RGL1: variants seen among roughly 807,000 people sequenced by gnomAD.
The protein encoded by RGL1 is ral guanine nucleotide dissociation stimulator-like 1.
A neutral mutation model predicts 95.2 loss-of-function variants in RGL1; 24 were observed. The ratio of observed to expected loss-of-function variants is 0.25; its 90% CI spans 0.18 to 0.35. The LOEUF (loss-of-function observed/expected upper bound fraction) is 0.35. Ranked by LOEUF, RGL1 falls within the 10% of genes least tolerant of loss-of-function variation. The probability of loss-of-function intolerance (pLI) is 1.00; values close to 1 mark genes in which losing one functional copy is unlikely to be tolerated. For synonymous variants in RGL1, 329 were observed against 344.9 expected (o/e 0.95, Z 0.51); for missense variants, 715 against 936.3 (o/e 0.76, Z 3.08).
chr1:183,712,799 T>C (rs1015952581), intron 1 of RGL1, among the ~76,000 whole-genome samples: 1 of 152,206 alleles, frequency 6.6e-6, no homozygotes, highest in Non-Finnish European at 1.5e-5. Context: ...AAATCAAGTT[T>C]TCTGGTCTAA....
intron 1 of RGL1, among the ~76,000 whole-genome samples, chr1:183,718,248 AAG>A (rs1160582825): frequency 6.7e-6 from 1 of 150,052 alleles, no homozygotes; most frequent in Admixed American, 6.6e-5. Flanking sequence ...AAAAAAAAAA[AAG>A]AGAGAGAGAG....
intron 3 of RGL1, among the ~76,000 whole-genome samples, chr1:183,864,307 A>G (rs983572183): frequency 6.6e-6 from 1 of 152,226 alleles, no homozygotes; most frequent in African/African-American, 2.4e-5. Flanking sequence ...ATGGACTAAC[A>G]TGGAATGTAA....
chr1:183,760,797 G>A (rs1360689078), intron 2 of RGL1, among the ~76,000 whole-genome samples: 1 of 152,112 alleles, frequency 6.6e-6, no homozygotes, highest in East Asian at 1.9e-4. Flanking sequence ...AAACCCTGCT[G>A]CTACTTTATC....
At chr1:183,764,620 T>A (rs1271263127) in intron 2 of RGL1, among the ~76,000 whole-genome samples, 3 of 152,184 alleles carry the variant, frequency 2.0e-5, no homozygotes, top group Non-Finnish European at 2.9e-5. Context: ...CCAGTCCTGA[T>A]CTTTCTATTT....
intron 1 of RGL1, among the ~76,000 whole-genome samples, chr1:183,702,576 T>C (rs1052917234): frequency 2.0e-5 from 3 of 152,080 alleles, no homozygotes; most frequent in African/African-American, 4.8e-5. Flanking sequence ...ACCAGTAAGG[T>C]TGGGCTGAGG....
chr1:183,658,992 G>T (rs1651406268), intron 1 of RGL1, among the ~76,000 whole-genome samples: 1 of 151,940 alleles, frequency 6.6e-6, no homozygotes, highest in African/African-American at 2.4e-5. Flanking sequence ...CTGCAGCTGA[G>T]GGTCCTGTCT....
At chr1:183,902,452 A>T in intron 11 of RGL1, 116 bp from the exon 12 acceptor site, 1 of 716,710 alleles carries the variant, frequency 1.4e-6, no homozygotes, top group Non-Finnish European at 2.2e-6. Flanking sequence ...TTATAGGATC[A>T]TTGATAATTG....
chr1:183,672,551 G>T (rs1303897422), intron 1 of RGL1, among the ~76,000 whole-genome samples: 2 of 152,044 alleles, frequency 1.3e-5, no homozygotes, highest in East Asian at 3.8e-4. Flanking sequence ...AATTTCTCCG[G>T]ATCAGTCATC....
chr1:183,775,873 C>T (rs1388039277), intron 2 of RGL1, among the ~76,000 whole-genome samples: 1 of 152,126 alleles, frequency 6.6e-6, no homozygotes, highest in Non-Finnish European at 1.5e-5. Context: ...AAATTGTTAA[C>T]ATATGTTAAT....
chr1:183,923,998 C>T (rs972884516), intron 17 of RGL1, among the ~76,000 whole-genome samples: 5 of 152,132 alleles, frequency 3.3e-5, no homozygotes, highest in Non-Finnish European at 4.4e-5. Flanking sequence ...TTTTTTAATT[C>T]TGTTTGTTTT....
intron 11 of RGL1, among the ~76,000 whole-genome samples, chr1:183,901,675 C>G (rs1418207549): frequency 1.3e-5 from 2 of 151,578 alleles, no homozygotes; most frequent in African/African-American, 2.4e-5. Context: ...CTCTCTGTCC[C>G]CTTGTCCCTC....
intron 1 of RGL1, among the ~76,000 whole-genome samples, chr1:183,717,243 T>C (rs1655677974): frequency 1.3e-5 from 2 of 152,332 alleles, no homozygotes; most frequent in Admixed American, 6.5e-5. Context: ...TTCTCTACCT[T>C]TACAAATGAA....
At chr1:183,717,162 A>T (rs2102192936) in intron 1 of RGL1, among the ~76,000 whole-genome samples, 1 of 152,308 alleles carries the variant, frequency 6.6e-6, no homozygotes, top group East Asian at 1.9e-4. Flanking sequence ...CCTACTCCTA[A>T]ACTGATCAAA....
intron 2 of RGL1, among the ~76,000 whole-genome samples, chr1:183,786,243 A>G (rs1440758338): frequency 1.3e-5 from 2 of 152,220 alleles, no homozygotes; most frequent in African/African-American, 4.8e-5. Context: ...CTCTAAAAAA[A>G]TATTTTAAAA....
intron 2 of RGL1, among the ~76,000 whole-genome samples, chr1:183,772,775 C>G (rs1054298809): frequency 6.6e-6 from 1 of 150,742 alleles, no homozygotes; most frequent in South Asian, 2.1e-4. Context: ...TTTGGGAGGC[C>G]GAGGCGGGTG....
At chr1:183,690,927 T>G (rs1653909434) in intron 1 of RGL1, among the ~76,000 whole-genome samples, 1 of 152,214 alleles carries the variant, frequency 6.6e-6, no homozygotes, top group African/African-American at 2.4e-5. Flanking sequence ...TTGAACAACT[T>G]ATGCTTTTGT....
In RGL1 at chr1:183,722,195, A is replaced by G. The variant is rs548374421; in HGVS notation, c.-32-19931A>G. ...GAAGTCAATGATGGAGAGGATTCCAAGAAGAAGGAGAGAACACTTAATAGT... is the reference window on the plus strand; with the variant it reads ...GAAGTCAATGATGGAGAGGATTCCAGGAAGAAGGAGAGAACACTTAATAGT... On this transcript the variant is annotated intron_variant, in intron 1 of 18. Transcript: ENST00000304685. 3.9e-4 allele frequency among the ~76,000 whole-genome samples: 60 copies of G among 152,040 alleles called. 1 individual carries two copies. Among genetic ancestry groups the G allele is most frequent in the African/African-American group, 1.4e-3 (59 of 41,498 alleles).
At chr1:183,759,169 C>T (rs1658516594) in intron 2 of RGL1, among the ~76,000 whole-genome samples, 1 of 152,002 alleles carries the variant, frequency 6.6e-6, no homozygotes, top group South Asian at 2.1e-4. Flanking sequence ...ACTTGCAGGT[C>T]CTAGAGAGAG....
intron 1 of RGL1, among the ~76,000 whole-genome samples, chr1:183,665,240 C>T (rs538466802): frequency 7.9e-5 from 12 of 152,094 alleles, no homozygotes; most frequent in African/African-American, 2.9e-4. Flanking sequence ...GGGACAAATC[C>T]CACTTGGTTG....
Sources: gnomAD v4.1 joint callset for allele counts (sites outside exome capture counted in the v4.1 genomes callset) on GRCh38, gnomAD v4.1.1 for gene constraint, MANE v1.5 for transcripts, NCBI Gene and HGNC (gene_info 2026-07-23, HGNC 2026-07-21) for gene names.